The following HLCS variants were observed in gnomAD, a reference collection of about 807,000 sequenced individuals.
The protein encoded by HLCS is biotin--protein ligase.
In HLCS, 53 loss-of-function variants were observed where a neutral mutation model predicts 75.0. The observed-to-expected ratio is 0.71, with a 90% CI of 0.57 to 0.89. The LOEUF (loss-of-function observed/expected upper bound fraction) is 0.89. Among genes scored for constraint, HLCS ranks in the 40% least tolerant of loss-of-function variants. HLCS has a pLI of 0.00. For synonymous variants in HLCS, 431 were observed against 428.6 expected (o/e 1.01, Z -0.07); for missense variants, 966 against 1,074.0 (o/e 0.90, Z 1.41).
chr21:36,846,242 T>A (rs1043137851), intron 6 of HLCS, among the ~76,000 whole-genome samples: 23 of 152,196 alleles, frequency 1.5e-4, no homozygotes, highest in African/African-American at 5.6e-4. Context: ...TAATAAATGT[T>A]GCTTCCTAAA....
At chr21:36,758,452 T>C (rs2089690608) in intron 9 of HLCS, among the ~76,000 whole-genome samples, 1 of 152,116 alleles carries the variant, frequency 6.6e-6, no homozygotes, top group South Asian at 2.1e-4. Context: ...CACTCTGTCA[T>C]CCAGAATGGA....
chr21:36,955,327 C>T (rs945475223), intron 2 of HLCS, among the ~76,000 whole-genome samples: 1 of 152,112 alleles, frequency 6.6e-6, no homozygotes, highest in Admixed American at 6.5e-5. Flanking sequence ...CATGGTGGCT[C>T]ACAACTATAA....
chr21:36,845,298 G>T (rs1198812275), intron 6 of HLCS, among the ~76,000 whole-genome samples: 1 of 152,034 alleles, frequency 6.6e-6, no homozygotes, highest in African/African-American at 2.4e-5. Flanking sequence ...CCGAATACTG[G>T]GCTTCCTTTC....
intron 2 of HLCS, among the ~76,000 whole-genome samples, chr21:36,946,776 C>T (rs967790312): frequency 6.6e-6 from 1 of 152,208 alleles, no homozygotes; most frequent in Non-Finnish European, 1.5e-5. Flanking sequence ...TTTCCTTCCA[C>T]TTTACCACCT....
chr21:36,792,285 A>T (rs1412202748), intron 6 of HLCS, among the ~76,000 whole-genome samples: 1 of 152,052 alleles, frequency 6.6e-6, no homozygotes, highest in Non-Finnish European at 1.5e-5. Context: ...GAATGAGCTC[A>T]CTTTGGCATC....
chr21:36,897,731 T>C (rs2065069736), intron 5 of HLCS, among the ~76,000 whole-genome samples: 1 of 152,010 alleles, frequency 6.6e-6, no homozygotes, highest in African/African-American at 2.4e-5. Flanking sequence ...TTGCCCCAAA[T>C]GGAGGTACAA....
At chr21:36,934,114 C>T (rs1000068343) in intron 4 of HLCS, among the ~76,000 whole-genome samples, 4 of 152,302 alleles carry the variant, frequency 2.6e-5, no homozygotes, top group East Asian at 1.9e-4. Context: ...TTGTACTCCT[C>T]GTCCACAGAG....
intron 5 of HLCS, among the ~76,000 whole-genome samples, chr21:36,916,924 T>C (rs8128099): frequency 5.3e-5 from 8 of 152,252 alleles, no homozygotes; most frequent in African/African-American, 1.9e-4. Context: ...CAACCCACAA[T>C]AGGGTCTGGG....
chr21:36,767,350 CACAGGAGGG>C, intron 6 of HLCS, 65 bp from the exon 7 acceptor site: 2 of 1,486,472 alleles, frequency 1.3e-6, no homozygotes, highest in Non-Finnish European at 1.9e-6. Context: ...CAATGGCTCA[CACAGGAGGG>C]ACAGGGTTTG....
intron 5 of HLCS, among the ~76,000 whole-genome samples, 177 bp downstream of exon 5, chr21:36,930,074 A>G (rs759219357): frequency 3.9e-5 from 6 of 152,240 alleles, no homozygotes; most frequent in Non-Finnish European, 7.3e-5. Context: ...TCTCTTATAT[A>G]TAATCCTCCC....
intron 5 of HLCS, among the ~76,000 whole-genome samples, chr21:36,897,736 G>T (rs972851793): frequency 6.6e-6 from 1 of 152,180 alleles, no homozygotes. Flanking sequence ...CCAAATGGAG[G>T]TACAAGGAGG....
chr21:36,943,273 A>G (rs2146561124), intron 2 of HLCS: 1 of 152,456 alleles, frequency 6.6e-6, no homozygotes, highest in East Asian at 1.9e-4. Context: ...TTAGGCTCAG[A>G]GGATCTTCCC....
chr21:36,982,960 G>A (rs1043753027), intron 1 of HLCS, among the ~76,000 whole-genome samples: 5 of 152,256 alleles, frequency 3.3e-5, no homozygotes, highest in Admixed American at 1.3e-4. Flanking sequence ...CCCAGAAGGC[G>A]GAGGCGGAGG....
chr21:36,880,229 T>C (rs1601606452), intron 6 of HLCS, among the ~76,000 whole-genome samples: 1 of 152,158 alleles, frequency 6.6e-6, no homozygotes, highest in East Asian at 1.9e-4. Context: ...CTATCTCCAC[T>C]GCCTGGAACA....
intron 2 of HLCS, among the ~76,000 whole-genome samples, chr21:36,950,619 G>A (rs1045939258): frequency 2.1e-5 from 3 of 144,132 alleles, no homozygotes; most frequent in African/African-American, 7.7e-5. Flanking sequence ...AAAGGCATAC[G>A]CTACCATGCC....
chr21:36,897,177 A>C (rs758348638), intron 5 of HLCS, 46 bp from the exon 6 acceptor site: 2 of 1,606,444 alleles, frequency 1.2e-6, no homozygotes, highest in South Asian at 2.2e-5. Context: ...TTGGCATTAC[A>C]TTAGATCATG....
intron 5 of HLCS, among the ~76,000 whole-genome samples, chr21:36,925,079 T>C (rs1275993122): frequency 6.6e-6 from 1 of 152,168 alleles, no homozygotes; most frequent in Non-Finnish European, 1.5e-5. Flanking sequence ...AAAACCTGCT[T>C]TTTATGGGGG....
At chr21:36,768,112 G>T (rs780440131) in intron 6 of HLCS, among the ~76,000 whole-genome samples, 11 of 152,338 alleles carry the variant, frequency 7.2e-5, no homozygotes, top group African/African-American at 2.6e-4. Flanking sequence ...AGGAATTGCC[G>T]ATCAGGTGCT....
chr21:36,792,519 G>C (rs915025283), intron 6 of HLCS, among the ~76,000 whole-genome samples: 5 of 151,954 alleles, frequency 3.3e-5, no homozygotes, highest in Admixed American at 2.6e-4. Flanking sequence ...GGGAGGAGGA[G>C]GACGACCATG....
Sources: allele counts gnomAD v4.1 joint callset (sites outside exome capture counted in the v4.1 genomes callset), GRCh38; gene constraint gnomAD v4.1.1; transcripts MANE v1.5; gene names NCBI Gene and HGNC (gene_info 2026-07-23, HGNC 2026-07-21).